Variants in TRHDE observed in about 807,000 individuals in gnomAD.
The protein encoded by TRHDE is thyrotropin-releasing hormone-degrading ectoenzyme.
Under a neutral mutation model 125.7 loss-of-function variants are expected in TRHDE, and 72 were observed. The ratio of observed to expected loss-of-function variants is 0.57; its 90% confidence interval spans 0.47 to 0.70. The LOEUF is 0.70. TRHDE is among the 30% of genes least tolerant of loss of function. TRHDE has a pLI of 0.00. For missense variants in TRHDE, 1,110 were observed against 1,327.1 expected (o/e 0.84, Z 2.54); for synonymous variants, 509 against 509.1 (o/e 1.00, Z 0.00).
intron 12 of TRHDE, among the ~76,000 whole-genome samples, chr12:72,603,022 A>G (rs1019712657): frequency 5.3e-5 from 8 of 152,190 alleles, no homozygotes; most frequent in African/African-American, 4.8e-5. Context: ...CTATAACACC[A>G]AGCAAAAGCT....
intron 2 of TRHDE, among the ~76,000 whole-genome samples, chr12:72,160,283 A>C (rs1418759758): frequency 1.3e-5 from 2 of 152,174 alleles, no homozygotes; most frequent in African/African-American, 4.8e-5. Flanking sequence ...TCCACAAAAC[A>C]GCAGCATAAG....
At chr12:72,098,318 C>A (rs1246061592) in intron 1 of TRHDE, among the ~76,000 whole-genome samples, 10 of 152,068 alleles carry the variant, frequency 6.6e-5, no homozygotes, top group Admixed American at 5.2e-4. Flanking sequence ...TACCCTGTTT[C>A]CCCCAGTGGT....
intron 2 of TRHDE, among the ~76,000 whole-genome samples, chr12:72,317,319 A>G (rs1429653082): frequency 6.6e-6 from 1 of 152,218 alleles, no homozygotes; most frequent in Non-Finnish European, 1.5e-5. Context: ...AAATTAAATG[A>G]GAATTTTAAT....
At chr12:72,501,733 C>T (rs780745673) in intron 6 of TRHDE, among the ~76,000 whole-genome samples, 4 of 151,792 alleles carry the variant, frequency 2.6e-5, no homozygotes, top group Non-Finnish European at 4.4e-5. Flanking sequence ...TCAACTTTCT[C>T]GGAGAATTTG....
At chr12:72,279,794 A>G (rs562619809) in intron 1 of TRHDE, among the ~76,000 whole-genome samples, 2 of 152,178 alleles carry the variant, frequency 1.3e-5, no homozygotes, top group South Asian at 4.2e-4. Flanking sequence ...CATTTATAGA[A>G]CTGTGGCCCC....
intron 6 of TRHDE, among the ~76,000 whole-genome samples, chr12:72,509,863 A>G (rs1426040173): frequency 6.6e-6 from 1 of 152,242 alleles, no homozygotes; most frequent in Non-Finnish European, 1.5e-5. Context: ...AAAACAATAT[A>G]AACAAAACAT....
chr12:72,224,158 GTATGTATGTATCTATCTATC>G (rs1177221694), intron 2 of TRHDE, among the ~76,000 whole-genome samples: 40 of 24,680 alleles, frequency 1.6e-3, no homozygotes, highest in East Asian at 6.8e-3. Context: ...ATGTATGTAT[GTATGTATGTATCTATCTATC>G]TATCTATCTA....
chr12:72,240,212 A>G (rs1415926467), intron 2 of TRHDE, among the ~76,000 whole-genome samples: 1 of 151,572 alleles, frequency 6.6e-6, no homozygotes, highest in Non-Finnish European at 1.5e-5. Flanking sequence ...TGTGAATTGT[A>G]GAATATTTGG....
At chr12:72,175,458 G>T (rs1490413253) in intron 2 of TRHDE, among the ~76,000 whole-genome samples, 2 of 152,172 alleles carry the variant, frequency 1.3e-5, no homozygotes, top group Non-Finnish European at 2.9e-5. Context: ...TCAGCAATCA[G>T]TGGTAGCAGG....
rs549946809 is a variant in TRHDE, at chr12:72,486,551, G to A, written c.1585-12947G>A. On this transcript the variant is annotated intron_variant, in intron 5 of 18. Transcript: ENST00000261180. ...CTGAGGTACCACAATTATTGCTAAT[G>A]TAGATAACAACTGAAGAAGCTAGAC... Among the ~76,000 whole-genome samples, 5 of 152,310 alleles carry A rather than the reference G, an allele frequency of 3.3e-5. 1 individual carries two copies. The South Asian group carries it at 1.0e-3, about 32-fold the overall frequency.
At chr12:72,114,439 T>G in intron 2 of TRHDE, among the ~76,000 whole-genome samples, 1 of 152,308 alleles carries the variant, frequency 6.6e-6, no homozygotes. Context: ...TACCATATTC[T>G]TAAAGTAAGT....
chr12:72,231,538 C>G (rs1040006360), intron 2 of TRHDE, among the ~76,000 whole-genome samples: 5 of 152,098 alleles, frequency 3.3e-5, no homozygotes, highest in African/African-American at 1.2e-4. Flanking sequence ...TTTGTGTTAT[C>G]AAACCAAACA....
Position 72,134,134 on chromosome 12 carries a change from C to T in TRHDE, n.279+28382C>T, listed in dbSNP as rs116271505. On this transcript the variant is annotated intron_variant and non_coding_transcript_variant, in intron 2 of 4. Transcript: ENST00000548156. ...GGCTGATCTCTGGTTTCCTTCTCTC[C>T]AGGATTTGGATTAGAAAAGTAACCA... is the stretch of plus-strand genomic sequence containing the variant. 9.7e-3 allele frequency among the ~76,000 whole-genome samples: 1,484 copies of T among 152,246 alleles called. 16 individuals are homozygous for T. Among genetic ancestry groups the T allele is most frequent in the African/African-American group, 0.033 (1,389 of 41,552 alleles).
intron 2 of TRHDE, among the ~76,000 whole-genome samples, chr12:72,241,055 CTCTTCCT>C: frequency 6.6e-6 from 1 of 152,152 alleles, no homozygotes; most frequent in Admixed American, 6.5e-5. Flanking sequence ...ATTCATTCCT[CTCTTCCT>C]TCTTCCTAAA....
chr12:72,646,679 G>A (rs895188330), intron 15 of TRHDE, among the ~76,000 whole-genome samples: 8 of 151,934 alleles, frequency 5.3e-5, no homozygotes, highest in Admixed American at 3.9e-4. Flanking sequence ...GAAAGCAGGT[G>A]TAGCTATGTC....
chr12:72,462,965 A>G (rs1434893022), intron 3 of TRHDE, among the ~76,000 whole-genome samples: 2 of 152,204 alleles, frequency 1.3e-5, no homozygotes, highest in Admixed American at 6.5e-5. Context: ...ATGAATGCCT[A>G]ATTCAAAGAA....
At chr12:72,602,082 A>G (rs561781181) in intron 12 of TRHDE, among the ~76,000 whole-genome samples, 1 of 152,318 alleles carries the variant, frequency 6.6e-6, no homozygotes, top group African/African-American at 2.4e-5. Flanking sequence ...GCCCCCACAC[A>G]TCCTTCTGAA....
At chr12:72,269,440 CAGTT>C (rs1342882679), upstream of TRHDE, among the ~76,000 whole-genome samples, 1 of 152,134 alleles carries the variant, frequency 6.6e-6, no homozygotes, top group Non-Finnish European at 1.5e-5. Context: ...AATTTAATCA[CAGTT>C]AGTAGAGACT....
chr12:72,382,802 C>T (rs1024059582), intron 3 of TRHDE, among the ~76,000 whole-genome samples: 1 of 152,174 alleles, frequency 6.6e-6, no homozygotes, highest in South Asian at 2.1e-4. Context: ...GTCATAAACT[C>T]TACAATACCT....
Sources: gnomAD v4.1 joint callset for allele counts (sites outside exome capture counted in the v4.1 genomes callset) on GRCh38, gnomAD v4.1.1 for gene constraint, MANE v1.5 for transcripts, NCBI Gene and HGNC (gene_info 2026-07-23, HGNC 2026-07-21) for gene names.